NLGN4Y: variants seen among roughly 807,000 people sequenced by gnomAD.
NLGN4Y encodes neuroligin-4, Y-linked.
Under a neutral mutation model 8.4 loss-of-function variants are expected in NLGN4Y, and 4 were observed. That is an observed-to-expected ratio of 0.48 (90% CI 0.23 to 1.09). The LOEUF is 1.09. Among genes scored for constraint, NLGN4Y ranks in the 50% least tolerant of loss-of-function variants. NLGN4Y has a pLI of 0.19. For synonymous variants in NLGN4Y, 35 were observed against 75.6 expected, an observed-to-expected ratio of 0.46 and a Z score of 2.78; for missense variants, 90 against 192.3, an observed-to-expected ratio of 0.47 and a Z score of 3.15.
intron 1 of NLGN4Y, among the ~76,000 whole-genome samples, chrY:14,565,024 G>A (rs781602111): frequency 6.5e-4 from 21 of 32,498 alleles, no homozygotes; most frequent in Non-Finnish European, 1.3e-3. Context: ...GGTCACCAAC[G>A]TCAAAGACCA....
intron 1 of NLGN4Y, among the ~76,000 whole-genome samples, chrY:14,584,328 A>G: frequency 9.3e-5 from 3 of 32,347 alleles, no homozygotes; most frequent in Non-Finnish European, 2.3e-4. Flanking sequence ...AGGTATTGCC[A>G]TGTTGCCCAG....
intron 4 of NLGN4Y, among the ~76,000 whole-genome samples, chrY:14,776,977 G>T (rs2150575144): frequency 3.1e-5 from 1 of 32,441 alleles, no homozygotes; most frequent in East Asian, 8.0e-4. Flanking sequence ...CTGAGAATTG[G>T]TTTTCATTTC....
chrY:14,844,813 A>T lies in NLGN4Y; in HGVS notation c.*3551A>T. ...ATATGTACATGTATGTGTACATTAT[A>T]TATGAGTATACATGTACCTATCCTA... On this transcript the variant is annotated 3_prime_UTR_variant, in exon 7 of 7. Transcript: ENST00000684976. 2.9e-5 allele frequency: 1 copy of T among 33,966 alleles called. No individual in the cohort carries two copies. The highest frequency in any genetic ancestry group is 6.6e-4 in the South Asian group (1 of 1,523). 8.5% of individuals were successfully genotyped at this position (33,966 alleles called of 400,897 possible).
chrY:14,826,804 T>A, intron 5 of NLGN4Y, among the ~76,000 whole-genome samples: 1 of 32,725 alleles, frequency 3.1e-5, no homozygotes, highest in Non-Finnish European at 7.5e-5. Context: ...TCTCAGTTGC[T>A]TGGGAGGCTG....
chrY:14,551,580 G>A (rs2080193120), intron 1 of NLGN4Y, among the ~76,000 whole-genome samples: 1 of 33,436 alleles, frequency 3.0e-5, no homozygotes, highest in Admixed American at 2.7e-4. Context: ...ATAACAAACA[G>A]CCTGTCAGAC....
At chrY:14,733,463 G>A (rs2080979984) in intron 4 of NLGN4Y, 1 of 347,388 alleles carries the variant, frequency 2.9e-6, no homozygotes, top group Non-Finnish European at 4.0e-6. Context: ...TATGCAAGAG[G>A]CACGTTTGTG....
Position 14,804,709 on chromosome Y carries a change from C to A in NLGN4Y, c.686-19479C>A, listed in dbSNP as rs771744249. On this transcript the variant is annotated intron_variant, in intron 4 of 6. Transcript: ENST00000684976. ...CATTTTTGACATCAGGGACTGGTTT[C>A]ACATAAGTCAATTTTCCCATGTCGG... is the stretch of plus-strand genomic sequence containing the variant. 8.9e-5 allele frequency among the ~76,000 whole-genome samples: 3 copies of A among 33,702 alleles called. No individual in the cohort carries two copies. The East Asian group carries it at 2.3e-3, about 26-fold the overall frequency. 90.4% of individuals were successfully genotyped at this position (33,702 alleles called of 37,273 possible).
At chrY:14,710,793 T>C in intron 2 of NLGN4Y, among the ~76,000 whole-genome samples, 3 of 33,794 alleles carry the variant, frequency 8.9e-5, no homozygotes, top group African/African-American at 2.3e-4. Flanking sequence ...AAACTGTCAA[T>C]ATATTATACT....
intron 2 of NLGN4Y, among the ~76,000 whole-genome samples, chrY:14,686,608 T>G: frequency 6.2e-5 from 2 of 32,501 alleles, no homozygotes; most frequent in South Asian, 1.4e-3. Context: ...CAGTGTCTTA[T>G]ATATGATGTA....
At chrY:14,697,596 GAT>G (rs2080835382) in intron 2 of NLGN4Y, among the ~76,000 whole-genome samples, 4 of 24,759 alleles carry the variant, frequency 1.6e-4, no homozygotes, top group African/African-American at 4.6e-4. Context: ...AGATGAGAGA[GAT>G]AGATAGATAG....
At chrY:14,832,871 G>A in intron 6 of NLGN4Y, among the ~76,000 whole-genome samples, 2 of 33,324 alleles carry the variant, frequency 6.0e-5, no homozygotes, top group South Asian at 1.4e-3. Context: ...CATTGTCATT[G>A]ACAACATCTT....
intron 1 of NLGN4Y, among the ~76,000 whole-genome samples, chrY:14,610,170 T>A: frequency 6.0e-5 from 2 of 33,438 alleles, no homozygotes; most frequent in Non-Finnish European, 1.5e-4. Flanking sequence ...ATTCACTGAT[T>A]TTCTTGAAGG....
chrY:14,738,842 A>T, intron 4 of NLGN4Y, among the ~76,000 whole-genome samples: 1 of 32,450 alleles, frequency 3.1e-5, no homozygotes. Flanking sequence ...TGACCCTAGC[A>T]CAGTGTTGGT....
intron 4 of NLGN4Y, among the ~76,000 whole-genome samples, chrY:14,755,084 T>G: frequency 3.0e-5 from 1 of 33,281 alleles, no homozygotes; most frequent in Non-Finnish European, 7.4e-5. Context: ...TATGGATGTT[T>G]AAAACCTTTC....
At chrY:14,805,888 T>C (rs774567618) in intron 4 of NLGN4Y, among the ~76,000 whole-genome samples, 7 of 34,481 alleles carry the variant, frequency 2.0e-4, no homozygotes, top group Admixed American at 1.8e-3. Flanking sequence ...TAATCCCAGC[T>C]ATCTGGGAGG....
intron 4 of NLGN4Y, among the ~76,000 whole-genome samples, chrY:14,782,614 C>T (rs2042947093): frequency 5.9e-5 from 2 of 33,640 alleles, no homozygotes; most frequent in African/African-American, 1.2e-4. Flanking sequence ...CCTTAGCTAA[C>T]TCAGGAACTC....
chrY:14,662,856 C>A (rs2150524853), intron 2 of NLGN4Y, among the ~76,000 whole-genome samples: 2 of 33,154 alleles, frequency 6.0e-5, no homozygotes, highest in African/African-American at 2.3e-4. Flanking sequence ...AAGGACTTGT[C>A]TTTTTTGTTA....
rs200602431 is a variant in NLGN4Y at position 14,697,206 on chromosome Y, C to CAGATAGATAGATAGAT, written c.473-22224_473-22209dup. On this transcript the variant is annotated intron_variant, in intron 2 of 6. Coordinates refer to ENST00000684976, the MANE Select transcript of NLGN4Y (RefSeq NM_001365588.1). ...ACAGATAGATAGATAGGTAGGTAGG[C>CAGATAGATAGATAGAT]AGATAGATAGATAGATAGATAGATA... is the stretch of plus-strand genomic sequence containing the variant. Among the ~76,000 whole-genome samples, 5 of 24,269 alleles carry CAGATAGATAGATAGAT rather than the reference C, an allele frequency of 2.1e-4. No individual in the cohort carries two copies. The East Asian group carries it at 3.8e-3, about 18-fold the overall frequency. The allele number at this position is 24,269 out of a possible 37,273, so 65.1% of individuals were successfully genotyped here. A position where few individuals can be genotyped will look rare whatever the true frequency, so the allele number is the denominator to read the frequency against.
intron 2 of NLGN4Y, among the ~76,000 whole-genome samples, chrY:14,643,360 A>G (rs759192102): frequency 3.0e-5 from 1 of 33,386 alleles, no homozygotes; most frequent in South Asian, 6.7e-4. Flanking sequence ...CTTACCTAGG[A>G]TGTTTCTTTT....
Sources: gnomAD v4.1 joint callset for allele counts (sites outside exome capture counted in the v4.1 genomes callset) on GRCh38, gnomAD v4.1.1 for gene constraint, MANE v1.5 for transcripts, NCBI Gene and HGNC (gene_info 2026-07-23, HGNC 2026-07-21) for gene names.